The following GLIS3 variants were observed in gnomAD, a reference collection of about 807,000 sequenced individuals.
GLIS3 encodes GLIS family zinc finger 3.
Under a neutral mutation model 78.6 loss-of-function variants are expected in GLIS3, and 53 were observed. That is an observed-to-expected ratio of 0.67 (90% confidence interval 0.54 to 0.85). The LOEUF (loss-of-function observed/expected upper bound fraction) is 0.85. Among genes scored for constraint, GLIS3 ranks in the 40% least tolerant of loss-of-function variants. The pLI is 0.00. For missense variants in GLIS3, 1,703 were observed against 1,231.1 expected (o/e 1.38, Z -5.74); for synonymous variants, 684 against 509.9 (o/e 1.34, Z -4.60).
chr9:4,086,760 C>G (rs536302477), intron 4 of GLIS3, among the ~76,000 whole-genome samples: 1 of 152,324 alleles, frequency 6.6e-6, no homozygotes, highest in African/African-American at 2.4e-5. Flanking sequence ...GAGGGACTTT[C>G]AGCATCATGA....
intron 2 of GLIS3, among the ~76,000 whole-genome samples, chr9:4,267,612 G>C (rs1259936343): frequency 6.6e-6 from 1 of 152,118 alleles, no homozygotes; most frequent in Non-Finnish European, 1.5e-5. Context: ...GCACATCTTA[G>C]GAAACTTTGC....
intron 6 of GLIS3, among the ~76,000 whole-genome samples, chr9:3,909,978 C>G (rs1050172908): frequency 6.6e-6 from 1 of 152,210 alleles, no homozygotes; most frequent in Non-Finnish European, 1.5e-5. Context: ...GTGCACAGCA[C>G]TACTGCATAC....
chr9:4,003,251 C>G (rs1005193009), intron 4 of GLIS3, among the ~76,000 whole-genome samples: 1 of 152,006 alleles, frequency 6.6e-6, no homozygotes, highest in African/African-American at 2.4e-5. Context: ...TCTCTGGTAG[C>G]CCCCATTATA....
At chr9:4,227,177 C>T (rs1309188288) in intron 2 of GLIS3, among the ~76,000 whole-genome samples, 1 of 152,096 alleles carries the variant, frequency 6.6e-6, no homozygotes, top group Non-Finnish European at 1.5e-5. Flanking sequence ...CCTAAGCAAG[C>T]ACCCCTAGTT....
chr9:4,128,930 T>C (rs1832765038), intron 2 of GLIS3, among the ~76,000 whole-genome samples: 2 of 152,228 alleles, frequency 1.3e-5, no homozygotes, highest in African/African-American at 4.8e-5. Flanking sequence ...AAGCGATCAC[T>C]GGTCAACTTT....
intron 4 of GLIS3, among the ~76,000 whole-genome samples, chr9:4,056,144 C>T (rs1449016239): frequency 4.6e-5 from 7 of 152,164 alleles, no homozygotes; most frequent in African/African-American, 7.2e-5. Context: ...TTCATCCTAG[C>T]GTATAAGAAT....
chr9:4,466,902 T>C, the GLIS3 span, among the ~76,000 whole-genome samples: 2 of 152,178 alleles, frequency 1.3e-5, no homozygotes, highest in South Asian at 4.1e-4. Flanking sequence ...CCGTGACAGA[T>C]GGTACCTGGA....
chr9:4,185,649 G>A (rs2131191562), intron 2 of GLIS3, among the ~76,000 whole-genome samples: 1 of 152,266 alleles, frequency 6.6e-6, no homozygotes, highest in South Asian at 2.1e-4. Context: ...TAAAGGTAAT[G>A]GCCAGTTTGA....
chr9:4,440,065 G>C, the GLIS3 span, among the ~76,000 whole-genome samples: 3 of 152,140 alleles, frequency 2.0e-5, no homozygotes, highest in South Asian at 2.1e-4. Flanking sequence ...TGAGTTGTTT[G>C]AGTTCCTTTT....
chr9:4,019,178 A>G (rs1003365194), intron 4 of GLIS3, among the ~76,000 whole-genome samples: 1 of 152,208 alleles, frequency 6.6e-6, no homozygotes, highest in Non-Finnish European at 1.5e-5. Flanking sequence ...TTAAAGCTTG[A>G]TAACAAAAGA....
chr9:4,364,635 C>T, the GLIS3 span, among the ~76,000 whole-genome samples: 2 of 149,922 alleles, frequency 1.3e-5, no homozygotes, highest in Non-Finnish European at 3.0e-5. Context: ...AATGTTAATA[C>T]TTTAACAGTG....
the GLIS3 span, among the ~76,000 whole-genome samples, chr9:4,420,278 G>T: frequency 6.6e-6 from 1 of 152,170 alleles, no homozygotes; most frequent in African/African-American, 2.4e-5. Context: ...AATAGGCCAG[G>T]AGTTTTAAGG....
intron 4 of GLIS3, among the ~76,000 whole-genome samples, chr9:4,097,992 G>C (rs187573532): frequency 2.0e-5 from 3 of 152,062 alleles, no homozygotes; most frequent in South Asian, 2.1e-4. Context: ...ACAGTTTTAC[G>C]TATATCAGAA....
chr9:4,370,369 G>A, the GLIS3 span, among the ~76,000 whole-genome samples: 1 of 152,002 alleles, frequency 6.6e-6, no homozygotes, highest in African/African-American at 2.4e-5. Flanking sequence ...TTCCCTGAGA[G>A]CCATGGGGTG....
chr9:3,890,075 ACCAGGGCTACATC>A (rs1385190145), intron 7 of GLIS3, among the ~76,000 whole-genome samples: 1 of 152,194 alleles, frequency 6.6e-6, no homozygotes, highest in African/African-American at 2.4e-5. Flanking sequence ...TGACATCAGG[ACCAGGGCTACATC>A]CCAGCAATAC....
chr9:4,035,773 C>G (rs1824247801), intron 4 of GLIS3: 1 of 152,332 alleles, frequency 6.6e-6, no homozygotes, highest in Non-Finnish European at 1.5e-5. Flanking sequence ...CCACATCGGT[C>G]TTCCTGTACT....
chr9:3,844,654 G>C (rs190412680), intron 9 of GLIS3, among the ~76,000 whole-genome samples: 341 of 152,272 alleles, frequency 2.2e-3, no homozygotes, highest in African/African-American at 8.0e-3. Context: ...ATAAATTTCT[G>C]AGTTCCAATC....
At chr9:4,360,723 T>C in the GLIS3 span, among the ~76,000 whole-genome samples, 1 of 152,218 alleles carries the variant, frequency 6.6e-6, no homozygotes, top group Non-Finnish European at 1.5e-5. Flanking sequence ...GTTCTTAAAA[T>C]TGTGTTAGGC....
chr9:4,422,355 TTAAA>T, the GLIS3 span, among the ~76,000 whole-genome samples: 1 of 152,180 alleles, frequency 6.6e-6, no homozygotes, highest in Non-Finnish European at 1.5e-5. Flanking sequence ...CAGACAGGCC[TTAAA>T]TAAATAATCT....
Sources: gnomAD v4.1 joint callset for allele counts (sites outside exome capture counted in the v4.1 genomes callset) on GRCh38, gnomAD v4.1.1 for gene constraint, MANE v1.5 for transcripts, NCBI Gene and HGNC (gene_info 2026-07-23, HGNC 2026-07-21) for gene names.